Variants in LYRM4 observed in about 807,000 individuals in gnomAD.
LYRM4 encodes the protein LYR motif-containing protein 4.
LYRM4 carries 9 observed loss-of-function variants against 11.7 expected under a neutral mutation model. The observed-to-expected ratio is 0.77, with a 90% CI of 0.46 to 1.34. The LOEUF (loss-of-function observed/expected upper bound fraction) is 1.34. Among genes scored for constraint, LYRM4 ranks in the 40% most tolerant of loss-of-function variants. The pLI is 0.00. For missense variants in LYRM4, 133 were observed against 112.5 expected (o/e 1.18, Z -0.82); for synonymous variants, 42 against 40.4 (o/e 1.04, Z -0.15).
chr6:5,114,959 G>A (rs1281666540), intron 2 of LYRM4, among the ~76,000 whole-genome samples: 1 of 152,288 alleles, frequency 6.6e-6, no homozygotes, highest in South Asian at 2.1e-4. Flanking sequence ...AAAACGTGGT[G>A]TATATATACA....
downstream of LYRM4, chr6:5,103,439 C>G (rs1365626783): frequency 2.0e-5 from 3 of 152,198 alleles, no homozygotes; most frequent in Non-Finnish European, 2.9e-5. Flanking sequence ...TACTGACACA[C>G]AGCCACTGGC....
At chr6:5,173,565 AATG>A (rs1406939608) in intron 2 of LYRM4, among the ~76,000 whole-genome samples, 4 of 152,248 alleles carry the variant, frequency 2.6e-5, no homozygotes, top group Non-Finnish European at 4.4e-5. Context: ...CTTTTCTATG[AATG>A]ATATCCTACA....
chr6:5,113,206 G>A (rs990107400), intron 2 of LYRM4: 6 of 347,576 alleles, frequency 1.7e-5, no homozygotes, highest in East Asian at 1.1e-4. Flanking sequence ...AGGTCGAGAC[G>A]GGTGGATCAC....
At chr6:5,182,322 G>C (rs1423233216) in intron 2 of LYRM4, among the ~76,000 whole-genome samples, 1 of 152,202 alleles carries the variant, frequency 6.6e-6, no homozygotes, top group African/African-American at 2.4e-5. Flanking sequence ...GTTTTGTAAT[G>C]ACTATTTTTG....
At chr6:5,158,966 T>C (rs1016597) in intron 2 of LYRM4, among the ~76,000 whole-genome samples, 149,022 of 152,328 alleles carry the variant, frequency 0.98, 72,907 homozygotes, top group East Asian at 1. Flanking sequence ...AACCTTGGCC[T>C]CCTCATCATG....
chr6:5,110,382 G>A (rs575836715), intron 2 of LYRM4, among the ~76,000 whole-genome samples: 12 of 150,174 alleles, frequency 8.0e-5, no homozygotes, highest in South Asian at 2.1e-4. Flanking sequence ...TGAAGGCCCC[G>A]GACAGAAGGC....
intron 2 of LYRM4, among the ~76,000 whole-genome samples, chr6:5,187,797 A>G (rs1472216634): frequency 1.3e-5 from 2 of 150,482 alleles, no homozygotes; most frequent in African/African-American, 2.5e-5. Flanking sequence ...TTATGTTCCA[A>G]TATGGAATTA....
At chr6:5,134,960 G>A (rs1757003174) in intron 2 of LYRM4, among the ~76,000 whole-genome samples, 2 of 139,484 alleles carry the variant, frequency 1.4e-5, no homozygotes, top group African/African-American at 2.7e-5. Context: ...CGGGACTGTG[G>A]AGGGTGCGGA....
the LYRM4 span, chr6:5,084,777 G>A: frequency 6.6e-6 from 1 of 152,244 alleles, no homozygotes; most frequent in East Asian, 1.9e-4. Flanking sequence ...ATTGGAACCC[G>A]GGGCGCCCTG....
chr6:5,197,044 A>G (rs1237662230), intron 2 of LYRM4, among the ~76,000 whole-genome samples: 1 of 152,242 alleles, frequency 6.6e-6, no homozygotes, highest in Non-Finnish European at 1.5e-5. Flanking sequence ...ATGCTCATCA[A>G]TACACATCTA....
At chr6:5,185,707 G>C (rs149111475) in intron 2 of LYRM4, among the ~76,000 whole-genome samples, 6 of 152,140 alleles carry the variant, frequency 3.9e-5, no homozygotes, top group African/African-American at 1.2e-4. Context: ...AGGCTTGTCC[G>C]GTTTCAACAC....
chr6:5,210,599 A>G (rs542873951), intron 2 of LYRM4, among the ~76,000 whole-genome samples: 1 of 152,336 alleles, frequency 6.6e-6, no homozygotes, highest in East Asian at 1.9e-4. Flanking sequence ...GTATATTCAT[A>G]TTGTTGTGAA....
intron 1 of LYRM4, among the ~76,000 whole-genome samples, chr6:5,239,324 T>A (rs1763730141): frequency 6.6e-6 from 1 of 152,014 alleles, no homozygotes; most frequent in Non-Finnish European, 1.5e-5. Flanking sequence ...GAGTGTTGAG[T>A]TTGCCTGAAG....
the LYRM4 span, among the ~76,000 whole-genome samples, chr6:5,098,557 G>A: frequency 2.0e-5 from 3 of 152,240 alleles, no homozygotes; most frequent in African/African-American, 7.2e-5. Context: ...CCTAGGTACA[G>A]GAGTGTGTAC....
At chr6:5,074,210 T>C in the LYRM4 span, among the ~76,000 whole-genome samples, 2 of 152,204 alleles carry the variant, frequency 1.3e-5, no homozygotes. Context: ...AGCATGGCTA[T>C]GTAAATACAT....
chr6:5,169,188 A>G (rs114585268), intron 2 of LYRM4, among the ~76,000 whole-genome samples: 2,117 of 152,180 alleles, frequency 0.014, 42 homozygotes, highest in African/African-American at 0.046. Context: ...CTCAGCCTCT[A>G]GAGTAGCGGT....
chr6:5,094,817 G>A, the LYRM4 span, among the ~76,000 whole-genome samples: 1 of 152,186 alleles, frequency 6.6e-6, no homozygotes, highest in Non-Finnish European at 1.5e-5. Context: ...AAGCGATGTA[G>A]TACTTTAAAA....
At chr6:5,034,052 T>C in the LYRM4 span, 1 of 152,366 alleles carries the variant, frequency 6.6e-6, no homozygotes, top group Non-Finnish European at 1.5e-5. Flanking sequence ...CTTTTGTTGG[T>C]GATTTTGCTG....
chr6:5,247,913 C>T (rs1764265663), intron 1 of LYRM4, among the ~76,000 whole-genome samples: 2 of 152,026 alleles, frequency 1.3e-5, no homozygotes, highest in South Asian at 4.1e-4. Flanking sequence ...AAATTATTAA[C>T]ATTAATATAG....
Sources: gnomAD v4.1 joint callset for allele counts (sites outside exome capture counted in the v4.1 genomes callset) on GRCh38, gnomAD v4.1.1 for gene constraint, MANE v1.5 for transcripts, NCBI Gene and HGNC (gene_info 2026-07-23, HGNC 2026-07-21) for gene names.